ARHGAP19: variants seen among roughly 807,000 people sequenced by gnomAD.
ARHGAP19 encodes the protein Rho GTPase activating protein 19.
Under a neutral mutation model 60.9 loss-of-function variants are expected in ARHGAP19, and 48 were observed. The observed-to-expected ratio is 0.79, with a 90% CI of 0.62 to 1.00. The LOEUF (loss-of-function observed/expected upper bound fraction) is 1.00. ARHGAP19 is among the 50% of genes least tolerant of loss of function. The pLI is 0.00. For missense variants in ARHGAP19, 562 were observed against 597.2 expected, an observed-to-expected ratio of 0.94 and a Z score of 0.61; for synonymous variants, 209 against 215.5, an observed-to-expected ratio of 0.97 and a Z score of 0.27.
chr10:97,254,920 G>A (rs1842733827), intron 6 of ARHGAP19, among the ~76,000 whole-genome samples: 1 of 152,160 alleles, frequency 6.6e-6, no homozygotes, highest in Non-Finnish European at 1.5e-5. Flanking sequence ...GCTACTGTGT[G>A]GATGAACCTT....
chr10:97,284,970 T>C, intron 1 of ARHGAP19, among the ~76,000 whole-genome samples: 1 of 151,284 alleles, frequency 6.6e-6, no homozygotes, highest in East Asian at 1.9e-4. Context: ...TTCAAGCGAT[T>C]CTCCTACCTC....
chr10:97,286,230 TTTAAACC>T (rs1160287122), intron 1 of ARHGAP19, among the ~76,000 whole-genome samples: 1 of 152,160 alleles, frequency 6.6e-6, no homozygotes, highest in African/African-American at 2.4e-5. Context: ...TCAATAAAGG[TTTAAACC>T]TTTTAAACCA....
intron 9 of ARHGAP19, 123 bp from the exon 10 acceptor site, chr10:97,229,997 T>C (rs1018484608): frequency 4.3e-6 from 3 of 699,400 alleles, no homozygotes; most frequent in African/African-American, 3.6e-5. Flanking sequence ...GATAATCCTG[T>C]ATGGACCCTC....
chr10:97,247,072 G>A (rs1187709531), intron 6 of ARHGAP19, among the ~76,000 whole-genome samples: 1 of 151,970 alleles, frequency 6.6e-6, no homozygotes, highest in African/African-American at 2.4e-5. Flanking sequence ...AGGAGACAGA[G>A]GTTGCAGTGT....
At chr10:97,273,887 T>C (rs1842991192) in intron 1 of ARHGAP19, among the ~76,000 whole-genome samples, 1 of 151,590 alleles carries the variant, frequency 6.6e-6, no homozygotes, top group Non-Finnish European at 1.5e-5. Flanking sequence ...TACACAGTAA[T>C]GAAAATGGAC....
intron 1 of ARHGAP19, among the ~76,000 whole-genome samples, chr10:97,267,725 C>T (rs913605645): frequency 1.3e-5 from 2 of 152,258 alleles, no homozygotes; most frequent in Non-Finnish European, 2.9e-5. Context: ...GGGCTTGCAC[C>T]CTGTGAAGCA....
chr10:97,251,231 G>A (rs117864859), intron 6 of ARHGAP19, among the ~76,000 whole-genome samples: 2 of 3,826 alleles, frequency 5.2e-4, no homozygotes, highest in East Asian at 4.8e-3. Flanking sequence ...GGAAGGGGAA[G>A]GGAAGGGGAA....
intron 6 of ARHGAP19, among the ~76,000 whole-genome samples, chr10:97,247,980 T>TTC (rs1261828966): frequency 2.0e-5 from 3 of 151,022 alleles, no homozygotes; most frequent in African/African-American, 7.3e-5. Context: ...TTTTTTTTTT[T>TTC]TTTGAGACGG....
At chr10:97,292,046 C>A (rs1843241860) in intron 1 of ARHGAP19, among the ~76,000 whole-genome samples, 1 of 152,174 alleles carries the variant, frequency 6.6e-6, no homozygotes, top group African/African-American at 2.4e-5. Context: ...AATGGATTGT[C>A]TTATTCAATC....
At chr10:97,229,443 C>T (rs1224288248) in intron 10 of ARHGAP19, among the ~76,000 whole-genome samples, 1 of 152,086 alleles carries the variant, frequency 6.6e-6, no homozygotes, top group African/African-American at 2.4e-5. Flanking sequence ...AATATAGAGC[C>T]TAGGAGGCCT....
rs1028155598 is a variant in ARHGAP19, at chr10:97,222,549, C to G, written c.*3573G>C. 6.6e-6 allele frequency: 1 copy of G among 152,406 alleles called. No homozygotes were observed. Among genetic ancestry groups the G allele is most frequent in the Non-Finnish European group, 1.5e-5 (1 of 68,090 alleles). 9.4% of individuals were successfully genotyped at this position (152,406 alleles called of 1,614,324 possible). On this transcript the variant is annotated 3_prime_UTR_variant, in exon 12 of 12. Coordinates refer to ENST00000358531, the MANE Select transcript of ARHGAP19 (RefSeq NM_032900.6). Reference sequence around the variant, plus strand: ...CACCTCCTCGCTGGCCTGCTTCTGTCAACTCTACGCTGGTAGAAGATCTCG... The same window carrying G: ...CACCTCCTCGCTGGCCTGCTTCTGTGAACTCTACGCTGGTAGAAGATCTCG...
At chr10:97,240,012 C>T (rs1235794609) in intron 8 of ARHGAP19, among the ~76,000 whole-genome samples, 2 of 151,524 alleles carry the variant, frequency 1.3e-5, no homozygotes, top group East Asian at 3.9e-4. Context: ...CGGCCCTGTA[C>T]TAATGTTAAT....
chr10:97,229,078 CA>C (rs753128408), intron 11 of ARHGAP19, 68 bp downstream of exon 11: 2 of 1,430,838 alleles, frequency 1.4e-6, no homozygotes, highest in South Asian at 2.3e-5. Flanking sequence ...GGAATTCAAA[CA>C]AATGCTACTG....
At chr10:97,284,316 T>C (rs11189096) in intron 1 of ARHGAP19, among the ~76,000 whole-genome samples, 6,262 of 152,172 alleles carry the variant, frequency 0.041, 204 homozygotes, top group Non-Finnish European at 0.061. Context: ...AGAGACAGGG[T>C]TTCACCATGT....
At chr10:97,272,433 T>C (rs1421548982) in intron 1 of ARHGAP19, among the ~76,000 whole-genome samples, 1 of 152,186 alleles carries the variant, frequency 6.6e-6, no homozygotes, top group African/African-American at 2.4e-5. Flanking sequence ...TATGTCTTAT[T>C]TTTCTATTTT....
At chr10:97,241,968 C>T (rs1842490039) in intron 8 of ARHGAP19, among the ~76,000 whole-genome samples, 1 of 150,524 alleles carries the variant, frequency 6.6e-6, no homozygotes, top group Non-Finnish European at 1.5e-5. Context: ...GGAGATTGCG[C>T]CACTGCATTC....
intron 9 of ARHGAP19, among the ~76,000 whole-genome samples, chr10:97,230,912 C>A (rs1022599105): frequency 2.6e-5 from 4 of 151,914 alleles, no homozygotes; most frequent in Non-Finnish European, 5.9e-5. Context: ...CTAAAATTAA[C>A]TGGGCGTGGT....
intron 1 of ARHGAP19, among the ~76,000 whole-genome samples, chr10:97,274,176 GT>G (rs1842995553): frequency 6.6e-6 from 1 of 151,972 alleles, no homozygotes; most frequent in African/African-American, 2.4e-5. Flanking sequence ...GTATGAAAGA[GT>G]TCCTGAGGCC....
chr10:97,258,416 C>T (rs1842784409), intron 5 of ARHGAP19, among the ~76,000 whole-genome samples: 1 of 152,060 alleles, frequency 6.6e-6, no homozygotes, highest in African/African-American at 2.4e-5. Context: ...CGCCTGTAGT[C>T]CCAGCTGCTC....
Sources: allele counts gnomAD v4.1 joint callset (sites outside exome capture counted in the v4.1 genomes callset), GRCh38; gene constraint gnomAD v4.1.1; transcripts MANE v1.5; gene names NCBI Gene and HGNC (gene_info 2026-07-23, HGNC 2026-07-21).